Variants in HIVEP3 observed in about 807,000 individuals in gnomAD.
The protein encoded by HIVEP3 is transcription factor HIVEP3.
Under a neutral mutation model 152.8 loss-of-function variants are expected in HIVEP3, and 49 were observed. The observed-to-expected ratio is 0.32, with a 90% CI of 0.26 to 0.41. The LOEUF is 0.41. Ranked by LOEUF, HIVEP3 falls within the 10% of genes least tolerant of loss-of-function variation. The pLI, the probability that HIVEP3 is intolerant of heterozygous loss-of-function variation, is 1.00. For missense variants in HIVEP3, 2,790 were observed against 3,103.3 expected, an observed-to-expected ratio of 0.90 and a Z score of 2.40; for synonymous variants, 1,269 against 1,289.0, an observed-to-expected ratio of 0.98 and a Z score of 0.33.
At chr1:41,729,540 G>C (rs566356652) in intron 1 of HIVEP3, among the ~76,000 whole-genome samples, 1 of 152,126 alleles carries the variant, frequency 6.6e-6, no homozygotes, top group African/African-American at 2.4e-5. Context: ...ATTCTGAATG[G>C]GTCCCCGTTG....
intron 2 of HIVEP3, among the ~76,000 whole-genome samples, chr1:41,680,490 C>A (rs1400080325): frequency 6.6e-6 from 1 of 152,204 alleles, no homozygotes; most frequent in East Asian, 1.9e-4. Flanking sequence ...GTTCCAAGGC[C>A]ATAGTCCCAC....
chr1:41,527,386 A>ACACC (rs1643017799), intron 5 of HIVEP3, among the ~76,000 whole-genome samples: 2 of 54,014 alleles, frequency 3.7e-5, no homozygotes, highest in Non-Finnish European at 8.1e-5. Context: ...TCACACTCGC[A>ACACC]CTCACACTCC....
intron 5 of HIVEP3, among the ~76,000 whole-genome samples, chr1:41,549,446 C>A (rs188409132): frequency 6.6e-6 from 1 of 152,240 alleles, no homozygotes; most frequent in East Asian, 1.9e-4. Flanking sequence ...GAGGAATTAC[C>A]ACACTCTCTT....
intron 7 of HIVEP3, among the ~76,000 whole-genome samples, chr1:41,516,569 T>A (rs866921799): frequency 1.3e-5 from 2 of 152,126 alleles, no homozygotes; most frequent in South Asian, 4.1e-4. Context: ...CTTTTCCACC[T>A]CCTGAGCACA....
intron 1 of HIVEP3, among the ~76,000 whole-genome samples, chr1:41,774,026 T>C (rs545467569): frequency 6.6e-6 from 1 of 152,344 alleles, no homozygotes; most frequent in Admixed American, 6.5e-5. Context: ...CTGAGCATCC[T>C]AGGAGCAGAT....
At chr1:41,926,561 G>A (rs936084181) in intron 1 of HIVEP3, among the ~76,000 whole-genome samples, 3 of 152,098 alleles carry the variant, frequency 2.0e-5, no homozygotes, top group African/African-American at 4.8e-5. Flanking sequence ...GAAGGAAATA[G>A]CAGATCAAAA....
intron 5 of HIVEP3, among the ~76,000 whole-genome samples, chr1:41,555,489 T>C (rs1643951995): frequency 6.6e-6 from 1 of 152,170 alleles, no homozygotes. Context: ...CAGCTCGCCC[T>C]CCATGGGCTG....
chr1:41,785,471 T>C (rs1301326007), intron 1 of HIVEP3, among the ~76,000 whole-genome samples: 1 of 152,080 alleles, frequency 6.6e-6, no homozygotes, highest in Non-Finnish European at 1.5e-5. Context: ...TTATTTAACA[T>C]AACGAAAAAA....
intron 1 of HIVEP3, among the ~76,000 whole-genome samples, chr1:41,835,044 T>C (rs914361545): frequency 2.0e-5 from 3 of 152,168 alleles, no homozygotes; most frequent in Middle Eastern, 3.2e-3. Flanking sequence ...TGCAGGGTTC[T>C]GAGCACAGTG....
intron 1 of HIVEP3, among the ~76,000 whole-genome samples, chr1:41,794,720 C>T (rs1649889405): frequency 6.6e-6 from 1 of 152,136 alleles, no homozygotes; most frequent in African/African-American, 2.4e-5. Flanking sequence ...AAACTTTTCC[C>T]ATGTTTATTA....
chr1:41,742,273 T>A (rs1271920185), intron 1 of HIVEP3, among the ~76,000 whole-genome samples: 1 of 152,140 alleles, frequency 6.6e-6, no homozygotes, highest in Non-Finnish European at 1.5e-5. Context: ...CATCCACCCA[T>A]CCTTTCATTC....
chr1:41,520,603 C>T (rs560823925), intron 6 of HIVEP3, among the ~76,000 whole-genome samples: 3 of 152,236 alleles, frequency 2.0e-5, no homozygotes, highest in Non-Finnish European at 4.4e-5. Flanking sequence ...CCCTGACTAC[C>T]CCAGGCCACA....
intron 3 of HIVEP3, among the ~76,000 whole-genome samples, chr1:41,604,843 C>T (rs910815027): frequency 6.6e-6 from 1 of 152,016 alleles, no homozygotes; most frequent in African/African-American, 2.4e-5. Flanking sequence ...GTGGCTCATG[C>T]CTATAATCTC....
At chr1:41,716,261 G>A (rs1335988813) in intron 1 of HIVEP3, among the ~76,000 whole-genome samples, 1 of 152,222 alleles carries the variant, frequency 6.6e-6, no homozygotes, top group Non-Finnish European at 1.5e-5. Context: ...GAGGCCCATG[G>A]GGATGCTGGG....
At chr1:41,550,822 C>G (rs1643886493) in intron 5 of HIVEP3, among the ~76,000 whole-genome samples, 1 of 152,180 alleles carries the variant, frequency 6.6e-6, no homozygotes, top group Non-Finnish European at 1.5e-5. Context: ...CATCTGCAAA[C>G]AGGGACAATT....
In HIVEP3 at chr1:41,831,783, C is replaced by T. The variant is rs540370147; in HGVS notation, c.-801+86630G>A. Among the ~76,000 whole-genome samples the T allele has an allele frequency of 3.9e-5, 6 of 152,330 alleles. No individual in the cohort carries two copies. In the East Asian group the frequency reaches 7.7e-4, roughly 20 times the overall value. ...CTGTGCTCATGGGAGGCAGTGAACA[C>T]CTCACCTGGCCTGGAGCAAGCATTC... is the stretch of plus-strand genomic sequence containing the variant. On this transcript the variant is annotated intron_variant, in intron 1 of 8. Coordinates refer to ENST00000372583, the MANE Select transcript of HIVEP3 (RefSeq NM_024503.5).
rs1553216597 is a variant in HIVEP3 at position 41,510,665 on chromosome 1, C to CGCGGGGACTCCAA, written c.6994_7006dup (p.Arg2336LeufsTer68). 6.6e-7 allele frequency: 1 copy of CGCGGGGACTCCAA among 1,526,222 alleles called. No individual in the cohort carries two copies. Among genetic ancestry groups the CGCGGGGACTCCAA allele is most frequent in the Non-Finnish European group, 8.8e-7 (1 of 1,135,368 alleles). The allele number at this position is 1,526,222 out of a possible 1,614,324, so 94.5% of individuals were successfully genotyped here. Reference sequence around the variant, plus strand: ...AGAAGGCTCGGGGTTGGTCGGTGCACGCGGGGACTCCAAGCGGGGGCTCCA... The same window carrying CGCGGGGACTCCAA: ...AGAAGGCTCGGGGTTGGTCGGTGCACGCGGGGACTCCAAGCGGGGACTCCAAGCGGGGGCTCCA... On this transcript the variant is annotated frameshift_variant, in exon 9 of 9. Transcript: ENST00000372583. LOFTEE classifies it high-confidence loss of function.
intron 1 of HIVEP3, among the ~76,000 whole-genome samples, chr1:41,741,209 G>A (rs1243926120): frequency 3.3e-5 from 5 of 152,138 alleles, no homozygotes; most frequent in Non-Finnish European, 1.5e-5. Context: ...AAAAAAGGAG[G>A]GGAAGCTTCC....
intron 1 of HIVEP3, among the ~76,000 whole-genome samples, chr1:41,944,625 A>C (rs1645064971): frequency 6.6e-6 from 1 of 152,206 alleles, no homozygotes; most frequent in Admixed American, 6.5e-5. Context: ...GACCACTGGA[A>C]TCCAGCAGCC....
Sources: allele counts gnomAD v4.1 joint callset (sites outside exome capture counted in the v4.1 genomes callset), GRCh38; gene constraint gnomAD v4.1.1; transcripts MANE v1.5; gene names NCBI Gene and HGNC (gene_info 2026-07-23, HGNC 2026-07-21).